The following VAT1L variants were observed in gnomAD, a reference collection of about 807,000 sequenced individuals.
The protein encoded by VAT1L is putative NADPH-dependent quinone oxidoreductase VAT1L.
A neutral mutation model predicts 44.1 loss-of-function variants in VAT1L; 34 were observed. The observed-to-expected ratio is 0.77, with a 90% CI of 0.59 to 1.03. The LOEUF (loss-of-function observed/expected upper bound fraction) is 1.03, where lower values mean the gene tolerates loss of function less well. Ranked by LOEUF, VAT1L falls within the 50% of genes least tolerant of loss-of-function variation. The probability of loss-of-function intolerance (pLI) is 0.00; values close to 1 mark genes in which losing one functional copy is unlikely to be tolerated. For missense variants in VAT1L, 615 were observed against 538.8 expected (o/e 1.14, Z -1.40); for synonymous variants, 253 against 202.2 (o/e 1.25, Z -2.13).
At chr16:77,797,748 C>G (rs1037259412) in intron 1 of VAT1L, among the ~76,000 whole-genome samples, 1 of 152,180 alleles carries the variant, frequency 6.6e-6, no homozygotes, top group South Asian at 2.1e-4. Flanking sequence ...GCTCCTGGGA[C>G]TTCCTTTTCC....
At chr16:77,863,380 C>G (rs2016936703) in intron 4 of VAT1L, among the ~76,000 whole-genome samples, 1 of 152,224 alleles carries the variant, frequency 6.6e-6, no homozygotes, top group Non-Finnish European at 1.5e-5. Flanking sequence ...ACACACCCTT[C>G]TCATAGTCTA....
At chr16:77,814,272 A>G (rs1353758547) in intron 1 of VAT1L, among the ~76,000 whole-genome samples, 1 of 152,152 alleles carries the variant, frequency 6.6e-6, no homozygotes, top group Non-Finnish European at 1.5e-5. Flanking sequence ...AATTATTTAC[A>G]TCCCCTTTGT....
chr16:77,915,110 A>G (rs1033919171), intron 7 of VAT1L, among the ~76,000 whole-genome samples: 6 of 151,942 alleles, frequency 3.9e-5, no homozygotes, highest in Non-Finnish European at 7.4e-5. Context: ...GGGTGACAAG[A>G]GCAAAATTCC....
intron 7 of VAT1L, among the ~76,000 whole-genome samples, chr16:77,922,872 G>T (rs2017627071): frequency 6.6e-6 from 1 of 152,176 alleles, no homozygotes; most frequent in African/African-American, 2.4e-5. Flanking sequence ...CTCAAAGTGT[G>T]CACTGTGAAC....
At chr16:77,937,218 C>A (rs2017810778) in intron 7 of VAT1L, among the ~76,000 whole-genome samples, 1 of 152,170 alleles carries the variant, frequency 6.6e-6, no homozygotes, top group Admixed American at 6.5e-5. Context: ...GGGAGTAGCC[C>A]CAGCCTGAGC....
At chr16:77,802,566 A>G (rs1399842915) in intron 1 of VAT1L, among the ~76,000 whole-genome samples, 1 of 151,472 alleles carries the variant, frequency 6.6e-6, no homozygotes, top group Admixed American at 6.6e-5. Context: ...GTGAGCCGAG[A>G]TTGTGCCACT....
chr16:77,949,664 C>T (rs913727741), intron 7 of VAT1L, among the ~76,000 whole-genome samples: 3 of 152,218 alleles, frequency 2.0e-5, no homozygotes, highest in African/African-American at 7.2e-5. Flanking sequence ...TGTGTGATCT[C>T]TGCACGTGCC....
At chr16:77,830,257 G>T (rs185882490) in intron 3 of VAT1L, among the ~76,000 whole-genome samples, 1 of 152,290 alleles carries the variant, frequency 6.6e-6, no homozygotes, top group Admixed American at 6.5e-5. Context: ...CTTTTCATAT[G>T]CTGTTTTTTT....
chr16:77,961,311 T>G (rs2018157669), intron 7 of VAT1L, among the ~76,000 whole-genome samples: 1 of 152,068 alleles, frequency 6.6e-6, no homozygotes, highest in Non-Finnish European at 1.5e-5. Context: ...CTTTGCTAAG[T>G]CAACCCTCTC....
chr16:77,831,155 A>T (rs1016095769), intron 3 of VAT1L, among the ~76,000 whole-genome samples: 12 of 152,240 alleles, frequency 7.9e-5, no homozygotes, highest in African/African-American at 2.4e-4. Flanking sequence ...TCCAGTCTTC[A>T]GCTCTGTCAT....
At chr16:77,806,024 A>C (rs1303458952) in intron 1 of VAT1L, among the ~76,000 whole-genome samples, 1 of 150,122 alleles carries the variant, frequency 6.7e-6, no homozygotes, top group Non-Finnish European at 1.5e-5. Context: ...CACCATGCCC[A>C]GCAAATTTTT....
chr16:77,896,629 C>T (rs1420448708), intron 7 of VAT1L, among the ~76,000 whole-genome samples: 6 of 152,266 alleles, frequency 3.9e-5, no homozygotes, highest in Admixed American at 2.6e-4. Context: ...ATATGCCCCG[C>T]GAAAGATTTC....
intron 1 of VAT1L, among the ~76,000 whole-genome samples, chr16:77,809,356 G>A (rs2016223590): frequency 6.6e-6 from 1 of 152,144 alleles, no homozygotes; most frequent in African/African-American, 2.4e-5. Context: ...CATCATCAGA[G>A]AAATTAGAAA....
At chr16:77,941,022 T>C (rs1437371448) in intron 7 of VAT1L, among the ~76,000 whole-genome samples, 1 of 152,220 alleles carries the variant, frequency 6.6e-6, no homozygotes, top group Non-Finnish European at 1.5e-5. Context: ...TAGAATGTAT[T>C]AGAATTGTTT....
At chr16:77,917,237 G>C (rs767282869) in intron 7 of VAT1L, among the ~76,000 whole-genome samples, 2 of 152,118 alleles carry the variant, frequency 1.3e-5, no homozygotes, top group Non-Finnish European at 2.9e-5. Context: ...CAAGAGACAG[G>C]AGGTAGGACC....
intron 3 of VAT1L, among the ~76,000 whole-genome samples, chr16:77,860,695 T>C (rs2016906524): frequency 6.6e-6 from 1 of 152,102 alleles, no homozygotes; most frequent in Non-Finnish European, 1.5e-5. Context: ...ATATTTACCC[T>C]CCCTAGAAAA....
At chr16:77,917,121 CAG>C (rs1440949421) in intron 7 of VAT1L, among the ~76,000 whole-genome samples, 3 of 152,154 alleles carry the variant, frequency 2.0e-5, no homozygotes, top group Admixed American at 6.5e-5. Flanking sequence ...GCTAGATTCT[CAG>C]AGTCACCATG....
intron 8 of VAT1L, among the ~76,000 whole-genome samples, chr16:77,972,919 C>T (rs540314130): frequency 1.3e-5 from 2 of 151,926 alleles, no homozygotes; most frequent in African/African-American, 2.4e-5. Flanking sequence ...CTCCTGAGCT[C>T]AAGCAATCTG....
chr16:77,977,699 A>C lies in VAT1L; in HGVS notation c.*4A>C, dbSNP rs757011775. The C allele has an allele frequency of 6.2e-7, 1 of 1,613,440 alleles. No homozygotes were observed. Among genetic ancestry groups the C allele is most frequent in the Non-Finnish European group, 8.5e-7 (1 of 1,179,676 alleles). On this transcript the variant is annotated 3_prime_UTR_variant, in exon 9 of 9. Coordinates refer to ENST00000302536, the MANE Select transcript of VAT1L (RefSeq NM_020927.3). ...GCGGATGCCCTTTATCCAGTAACTG[A>C]GGACCCAGGTGGGAGAATGTGAAGG...
Sources: gnomAD v4.1 joint callset for allele counts (sites outside exome capture counted in the v4.1 genomes callset) on GRCh38, gnomAD v4.1.1 for gene constraint, MANE v1.5 for transcripts, NCBI Gene and HGNC (gene_info 2026-07-23, HGNC 2026-07-21) for gene names.